PCDHGB3: variants seen among roughly 807,000 people sequenced by gnomAD.
PCDHGB3 encodes the protein protocadherin gamma-B3.
A neutral mutation model predicts 59.2 loss-of-function variants in PCDHGB3; 40 were observed. The observed-to-expected ratio is 0.68, with a 90% CI of 0.52 to 0.88. PCDHGB3 has a LOEUF of 0.88. Among genes scored for constraint, PCDHGB3 ranks in the 40% least tolerant of loss-of-function variants. The pLI, the probability that PCDHGB3 is intolerant of heterozygous loss-of-function variation, is 0.00. For missense variants in PCDHGB3, 1,309 were observed against 1,187.9 expected, an observed-to-expected ratio of 1.10 and a Z score of -1.50; for synonymous variants, 581 against 503.6, an observed-to-expected ratio of 1.15 and a Z score of -2.06.
chr5:141,511,351 C>G lies in PCDHGB3; in HGVS notation c.*178C>G, dbSNP rs1190324197. On this transcript the variant is annotated 3_prime_UTR_variant, in exon 4 of 4. Coordinates refer to ENST00000576222, the MANE Select transcript of PCDHGB3 (RefSeq NM_018924.5). The stretch of plus-strand genomic sequence containing the variant: ...CCAGTCAGCACCTACCCCTTCCCCC[C>G]CAGGGGGTTGAATATGCAAAAGCAG... 6 of 1,386,432 alleles carry G rather than the reference C, an allele frequency of 4.3e-6. No individual in the cohort carries two copies. The highest frequency in any genetic ancestry group is 2.9e-5 in the African/African-American group (2 of 68,574). The allele number at this position is 1,386,432 out of a possible 1,614,324, so 85.9% of individuals were successfully genotyped here.
At chr5:141,388,875 G>C in intron 1 of PCDHGB3, 1 of 1,614,024 alleles carries the variant, frequency 6.2e-7, no homozygotes, top group Non-Finnish European at 8.5e-7. Context: ...GCAATGCACA[G>C]TGGAGGTAGA....
chr5:141,430,666 G>A (rs2097301396), intron 1 of PCDHGB3: 1 of 1,222,518 alleles, frequency 8.2e-7, no homozygotes, highest in Admixed American at 2.7e-5. Flanking sequence ...GAGGAGCTCT[G>A]ACTTCCCAAC....
Position 141,485,818 on chromosome 5 carries a change from C to A in PCDHGB3, c.2416-8989C>A, listed in dbSNP as rs757848513. The A allele has an allele frequency of 1.2e-6, 2 of 1,613,910 alleles. No individual in the cohort carries two copies. The highest frequency in any genetic ancestry group is 1.7e-6 in the Non-Finnish European group (2 of 1,179,974). On this transcript the variant is annotated intron_variant, in intron 1 of 3. Transcript: ENST00000576222. The surrounding 1 kb of genome is among the most constrained non-coding windows in gnomAD (Gnocchi z 5.7). ...ACTACCGCCTGGTGCTGACTGCTGT[C>A]GATGGAGGGAACCCGCCGAGATCTG...
intron 1 of PCDHGB3, chr5:141,389,722 G>T (rs141134077): frequency 1.9e-6 from 3 of 1,612,560 alleles, no homozygotes; most frequent in Non-Finnish European, 1.7e-6. Context: ...AGCGAGCCCG[G>T]GCTCTTCAGC....
intron 1 of PCDHGB3, among the ~76,000 whole-genome samples, chr5:141,401,638 TA>T (rs2094176765): frequency 1.3e-5 from 2 of 152,242 alleles, no homozygotes; most frequent in South Asian, 4.1e-4. Context: ...TTTGGAGCTT[TA>T]AATATAAATG....
At chr5:141,455,842 C>T (rs1224197325) in intron 1 of PCDHGB3, among the ~76,000 whole-genome samples, 1 of 150,876 alleles carries the variant, frequency 6.6e-6, no homozygotes, top group Non-Finnish European at 1.5e-5. Context: ...TGTCTATCTG[C>T]ATAAAATAAT....
rs1267617024 is a variant in PCDHGB3 at position 141,476,542 on chromosome 5, G to T, written c.2416-18265G>T. The T allele has an allele frequency of 6.2e-7, 1 of 1,614,210 alleles. No individual in the cohort carries two copies. The highest frequency in any genetic ancestry group is 1.7e-5 in the Admixed American group (1 of 60,036). On this transcript the variant is annotated intron_variant, in intron 1 of 3. Transcript: ENST00000576222. This position sits in a 1 kb window ranked among gnomAD's most constrained non-coding sequence, Gnocchi z 7.6. ...CTTTCCCTACCCAGGAAATGAAATT[G>T]GAGATTAGCGAGGCCGTGGCTCCGG...
At chr5:141,471,046 C>G (rs960750377) in intron 1 of PCDHGB3, among the ~76,000 whole-genome samples, 3 of 113,280 alleles carry the variant, frequency 2.6e-5, no homozygotes, top group African/African-American at 1.1e-4. Context: ...CCCAAGCCCT[C>G]TTTTTTTTTT....
chr5:141,375,647 T>C (rs1265306389), intron 1 of PCDHGB3: 2 of 1,614,038 alleles, frequency 1.2e-6, no homozygotes. Flanking sequence ...CTCCTTCGAC[T>C]ATGAGCAGTT....
chr5:141,497,239 G>A (rs2099775226), intron 2 of PCDHGB3, among the ~76,000 whole-genome samples: 1 of 152,104 alleles, frequency 6.6e-6, no homozygotes, highest in Admixed American at 6.5e-5. Flanking sequence ...AAGGCTTCTA[G>A]GAGGAGGTGA....
In PCDHGB3 at chr5:141,477,097, G is replaced by A; in HGVS notation, c.2416-17710G>A. ...AGATTTACATCCAGGCCAAAGACAAGGGCGCCAATCCCGAAGGAGCACATT... is the reference window on the plus strand; with the variant it reads ...AGATTTACATCCAGGCCAAAGACAAAGGCGCCAATCCCGAAGGAGCACATT... On this transcript the variant is annotated intron_variant, in intron 1 of 3. Transcript: ENST00000576222. This position sits in a 1 kb window ranked among gnomAD's most constrained non-coding sequence, Gnocchi z 4.9. 1 of 1,614,242 alleles carries A rather than the reference G, an allele frequency of 6.2e-7. No homozygotes were observed. Among genetic ancestry groups the A allele is most frequent in the South Asian group, 1.1e-5 (1 of 91,088 alleles).
chr5:141,370,930 C>T lies in PCDHGB3; in HGVS notation c.536C>T (p.Ser179Phe), dbSNP rs753377715. ...TACCTCAGCCCTGATCCGCACTTCT[C>T]TTTGATTCAGAAGGAGAACCTGGAT... ...QYYLSPDPHFSLIQKENLDGS... is the reference protein window; with the variant it reads ...QYYLSPDPHFFLIQKENLDGS... The change falls in exon 1 of 4, where the codon TCT (serine) becomes TTT (phenylalanine). Residue 179 changes from serine to phenylalanine, a missense_variant. By Grantham distance (155) the Ser-to-Phe change is radical (BLOSUM62 -2). Transcript: ENST00000576222. 16 of 1,613,894 alleles carry T rather than the reference C, an allele frequency of 9.9e-6. No homozygotes were observed. The African/African-American group carries it at 2.1e-4, about 22-fold the overall frequency.
At chr5:141,407,703 G>T (rs1016806853) in intron 1 of PCDHGB3, among the ~76,000 whole-genome samples, 1 of 152,096 alleles carries the variant, frequency 6.6e-6, no homozygotes, top group Admixed American at 6.6e-5. Context: ...ATTGTTGAAG[G>T]TGGGGTGATG....
intron 1 of PCDHGB3, among the ~76,000 whole-genome samples, chr5:141,466,965 C>G (rs1345790988): frequency 6.6e-6 from 1 of 152,016 alleles, no homozygotes; most frequent in African/African-American, 2.4e-5. Context: ...CAAATATTTT[C>G]TCACAGCTCA....
rs536041905 is a variant in PCDHGB3, at chr5:141,376,529, C to T, written c.2415+3720C>T. The T allele has an allele frequency of 9.9e-6, 16 of 1,613,656 alleles. No homozygotes were observed. The African/African-American group carries it at 2.0e-4, about 20-fold the overall frequency. ...TCAGGTGAGTTTCTTTCCGCCTAAG[C>T]GGGAAGAGTAATCTGATCTTCCCGC... is the stretch of plus-strand genomic sequence containing the variant. On this transcript the variant is annotated intron_variant, in intron 1 of 3. Transcript: ENST00000576222.
intron 1 of PCDHGB3, among the ~76,000 whole-genome samples, chr5:141,444,152 ATTTTTTTTTTTT>A (rs747671382): frequency 5.9e-4 from 20 of 33,896 alleles, no homozygotes; most frequent in African/African-American, 1.8e-3. Flanking sequence ...TGTGTACTGG[ATTTTTTTTTTTT>A]TTTTTTTTTT....
chr5:141,447,181 G>C (rs442221), intron 1 of PCDHGB3, among the ~76,000 whole-genome samples: 152,246 of 152,338 alleles, frequency 1, 76,078 homozygotes, highest in Middle Eastern at 1. Context: ...CTCTTGTCGC[G>C]CAGGCTGGAG....
intron 1 of PCDHGB3, chr5:141,410,562 C>A (rs748563687): frequency 1.9e-6 from 3 of 1,612,718 alleles, no homozygotes; most frequent in Non-Finnish European, 2.5e-6. Context: ...TCTCCTGGAG[C>A]CTTAATTCCA....
intron 1 of PCDHGB3, chr5:141,394,896 G>A: frequency 4.3e-6 from 7 of 1,613,872 alleles, no homozygotes; most frequent in Non-Finnish European, 5.9e-6. Context: ...CTATCTCGTG[G>A]TGGCAGTGGC....
Sources: gnomAD v4.1 joint callset for allele counts (sites outside exome capture counted in the v4.1 genomes callset) on GRCh38, gnomAD v4.1.1 for gene constraint, Gnocchi (gnomAD v3.1) non-coding constraint, MANE v1.5 for transcripts, NCBI Gene and HGNC (gene_info 2026-07-23, HGNC 2026-07-21) for gene names.